The following EPHA3 variants were observed in gnomAD, a reference collection of about 807,000 sequenced individuals.
The protein encoded by EPHA3 is EPH receptor A3.
Under a neutral mutation model 107.1 loss-of-function variants are expected in EPHA3, and 42 were observed. The ratio of observed to expected loss-of-function variants is 0.39; its 90% CI spans 0.31 to 0.51. EPHA3 has a LOEUF of 0.51. Among genes scored for constraint, EPHA3 ranks in the 20% least tolerant of loss-of-function variants. The pLI is 0.78. For missense variants in EPHA3, 1,183 were observed against 1,211.2 expected, an observed-to-expected ratio of 0.98 and a Z score of 0.35; for synonymous variants, 461 against 424.8, an observed-to-expected ratio of 1.09 and a Z score of -1.05.
At chr3:89,203,977 C>T (rs1706038754) in intron 2 of EPHA3, among the ~76,000 whole-genome samples, 1 of 152,018 alleles carries the variant, frequency 6.6e-6, no homozygotes, top group South Asian at 2.1e-4. Context: ...GGACAACATA[C>T]TCAAACTTTC....
At chr3:89,266,445 T>G (rs1208551129) in intron 3 of EPHA3, among the ~76,000 whole-genome samples, 3 of 152,212 alleles carry the variant, frequency 2.0e-5, no homozygotes, top group Non-Finnish European at 2.9e-5. Context: ...GTTTCACATT[T>G]TAGTGTGTCA....
At chr3:89,287,292 A>T (rs1434451423) in intron 3 of EPHA3, among the ~76,000 whole-genome samples, 1 of 152,148 alleles carries the variant, frequency 6.6e-6, no homozygotes, top group Non-Finnish European at 1.5e-5. Context: ...TACAGATGGG[A>T]TCATAGGAAT....
intron 11 of EPHA3, among the ~76,000 whole-genome samples, chr3:89,424,028 G>GA (rs1199362734): frequency 1.3e-5 from 2 of 151,216 alleles, no homozygotes; most frequent in East Asian, 3.9e-4. Context: ...TGCAGAAAGG[G>GA]AAAAAAAGTA....
chr3:89,252,986 C>T (rs1210597298), intron 3 of EPHA3, among the ~76,000 whole-genome samples: 2 of 151,758 alleles, frequency 1.3e-5, no homozygotes, highest in Non-Finnish European at 2.9e-5. Context: ...CTTTACTTCT[C>T]TCTGCCCCCA....
chr3:89,129,382 A>G (rs1704154654), intron 2 of EPHA3, among the ~76,000 whole-genome samples: 2 of 152,142 alleles, frequency 1.3e-5, no homozygotes, highest in South Asian at 4.1e-4. Flanking sequence ...CTTCAAGCTT[A>G]TCATTATTAT....
chr3:89,181,389 A>G (rs561748836), intron 2 of EPHA3, among the ~76,000 whole-genome samples: 2 of 152,106 alleles, frequency 1.3e-5, no homozygotes, highest in South Asian at 4.1e-4. Context: ...TATATCAGTT[A>G]TATATTTTGT....
chr3:89,121,035 CAAG>C (rs1424939457), intron 1 of EPHA3, among the ~76,000 whole-genome samples: 3 of 151,850 alleles, frequency 2.0e-5, no homozygotes, highest in African/African-American at 7.3e-5. Flanking sequence ...GTCAGGAGAT[CAAG>C]ACCATCCTGA....
At chr3:89,387,421 C>G (rs573812226) in intron 5 of EPHA3, among the ~76,000 whole-genome samples, 1 of 152,222 alleles carries the variant, frequency 6.6e-6, no homozygotes, top group Admixed American at 6.5e-5. Context: ...GAAGTGTTTG[C>G]TTCCCCTTCT....
chr3:89,436,587 C>T (rs1407380746), intron 13 of EPHA3, among the ~76,000 whole-genome samples: 1 of 152,096 alleles, frequency 6.6e-6, no homozygotes, highest in African/African-American at 2.4e-5. Flanking sequence ...GTCTGTCGCT[C>T]TTGTTTTAAA....
intron 10 of EPHA3, among the ~76,000 whole-genome samples, chr3:89,415,467 A>AAG (rs1553691810): frequency 7.6e-6 from 1 of 131,624 alleles, no homozygotes; most frequent in Non-Finnish European, 1.6e-5. Context: ...TTACAGAAAG[A>AAG]ATATATATAT....
intron 7 of EPHA3, chr3:89,399,693 A>G: frequency 8.0e-7 from 1 of 1,256,822 alleles, no homozygotes; most frequent in Non-Finnish European, 1.0e-6. Context: ...CTTGTATGCA[A>G]ATCAAACATA....
intron 2 of EPHA3, among the ~76,000 whole-genome samples, chr3:89,130,311 A>C (rs990799206): frequency 4.6e-5 from 7 of 152,180 alleles, no homozygotes; most frequent in African/African-American, 1.7e-4. Flanking sequence ...ATAACTAAGG[A>C]GATTTGGGAG....
At chr3:89,288,089 A>G (rs76566573) in intron 3 of EPHA3, among the ~76,000 whole-genome samples, 2,417 of 152,182 alleles carry the variant, frequency 0.016, 63 homozygotes, top group African/African-American at 0.056. Context: ...ATAAAAGATG[A>G]TTACTCATCA....
intron 5 of EPHA3, among the ~76,000 whole-genome samples, chr3:89,387,520 G>A (rs1332387282): frequency 6.6e-6 from 1 of 152,066 alleles, no homozygotes; most frequent in African/African-American, 2.4e-5. Flanking sequence ...CCAGTCTTGG[G>A]CAGTGCTTTA....
chr3:89,172,357 T>C (rs540347267), intron 2 of EPHA3, among the ~76,000 whole-genome samples: 4 of 152,048 alleles, frequency 2.6e-5, no homozygotes, highest in African/African-American at 7.2e-5. Flanking sequence ...AGAGGGCTGT[T>C]TGGGATGGGG....
chr3:89,149,845 GGAGGGGTGA>G (rs1420615806), intron 2 of EPHA3, among the ~76,000 whole-genome samples: 2 of 151,968 alleles, frequency 1.3e-5, no homozygotes, highest in African/African-American at 4.8e-5. Flanking sequence ...GATAAACAAT[GGAGGGGTGA>G]TTGATATTAA....
intron 2 of EPHA3, among the ~76,000 whole-genome samples, chr3:89,204,763 A>G (rs1706060474): frequency 6.6e-6 from 1 of 152,146 alleles, no homozygotes; most frequent in Non-Finnish European, 1.5e-5. Context: ...TTCTGCATGC[A>G]TGCTTAAAAT....
intron 2 of EPHA3, among the ~76,000 whole-genome samples, chr3:89,138,743 A>G (rs1704367100): frequency 6.6e-6 from 1 of 151,876 alleles, no homozygotes; most frequent in African/African-American, 2.4e-5. Flanking sequence ...TATCTTGAGG[A>G]TTTAGCATCA....
At chr3:89,439,530 C>T (rs1021842514) in intron 13 of EPHA3, among the ~76,000 whole-genome samples, 5 of 152,060 alleles carry the variant, frequency 3.3e-5, no homozygotes, top group African/African-American at 9.7e-5. Flanking sequence ...TCCCCTGCTA[C>T]GTTTCTACTA....
Sources: gnomAD v4.1 joint callset for allele counts (sites outside exome capture counted in the v4.1 genomes callset) on GRCh38, gnomAD v4.1.1 for gene constraint, MANE v1.5 for transcripts, NCBI Gene and HGNC (gene_info 2026-07-23, HGNC 2026-07-21) for gene names.